Variants in KALRN observed in about 807,000 individuals in gnomAD.
The protein encoded by KALRN is kalirin RhoGEF kinase, also known as kalirin.
KALRN carries 70 observed loss-of-function variants against 353.7 expected under a neutral mutation model. That is an observed-to-expected ratio of 0.20 (90% CI 0.16 to 0.24). KALRN has a LOEUF of 0.24. KALRN is among the 10% of genes least tolerant of loss of function. The pLI is 1.00. For synonymous variants in KALRN, 1,391 were observed against 1,434.8 expected (o/e 0.97, Z 0.69); for missense variants, 2,791 against 3,756.7 (o/e 0.74, Z 6.72).
At chr3:124,036,244 G>A (rs1420130128) in intron 1 of KALRN, among the ~76,000 whole-genome samples, 1 of 152,062 alleles carries the variant, frequency 6.6e-6, no homozygotes, top group African/African-American at 2.4e-5. Context: ...AGGCTCCGGT[G>A]TTTGTTATTC....
chr3:124,631,816 T>G (rs1260061771), intron 34 of KALRN, among the ~76,000 whole-genome samples: 1 of 152,258 alleles, frequency 6.6e-6, no homozygotes, highest in Non-Finnish European at 1.5e-5. Context: ...ACATGCTTGT[T>G]GACCCAGCTC....
intron 1 of KALRN, among the ~76,000 whole-genome samples, chr3:124,168,065 T>C (rs1248454138): frequency 6.6e-6 from 1 of 152,200 alleles, no homozygotes; most frequent in Admixed American, 6.5e-5. Context: ...ATTCCTGCTC[T>C]TTCTTTGCTG....
Position 124,705,822 on chromosome 3 carries a change from CCCTT to C in KALRN, c.8075+3733_8075+3736del, listed in dbSNP as rs373858046. 0.015 allele frequency among the ~76,000 whole-genome samples: 2,178 copies of C among 144,746 alleles called. 80 individuals are homozygous for C. The East Asian group carries it at 0.16, about 11-fold the overall frequency. The allele number at this position is 144,746 out of a possible 152,430, so 95.0% of individuals were successfully genotyped here. A position where few individuals can be genotyped will look rare whatever the true frequency, so the allele number is the denominator to read the frequency against. On this transcript the variant is annotated intron_variant, in intron 57 of 59. Transcript: ENST00000682506. ...TCCCTCCCTTCCTTCCTTCCTTCCT[CCCTT>C]CCTTCCTTCCTTCCTTCCTTCCTTC...
intron 11 of KALRN, among the ~76,000 whole-genome samples, chr3:124,394,328 G>C (rs2089887546): frequency 6.6e-6 from 1 of 152,174 alleles, no homozygotes; most frequent in Non-Finnish European, 1.5e-5. Context: ...TCTCATTTAT[G>C]AAAATTCTCA....
chr3:124,255,464 C>T (rs1437405711), intron 3 of KALRN, among the ~76,000 whole-genome samples: 1 of 152,286 alleles, frequency 6.6e-6, no homozygotes, highest in African/African-American at 2.4e-5. Flanking sequence ...CTGGGCCAGC[C>T]ACAAAGTAAA....
Position 124,693,904 on chromosome 3 carries a change from C to A in KALRN, c.7405+73C>A, listed in dbSNP as rs72968723. 2.8e-3 allele frequency: 2,939 copies of A among 1,058,706 alleles called. 39 individuals are homozygous for A. The African/African-American group carries it at 0.039, about 14-fold the overall frequency. 65.6% of individuals were successfully genotyped at this position (1,058,706 alleles called of 1,614,324 possible). ...AATTATAGTTAATCCAGCACTAAAG[C>A]ACTGGCTGTAAGCAATGGTGATATA... On this transcript the variant is annotated intron_variant, in intron 52 of 59. Transcript: ENST00000682506.
At chr3:124,113,040 C>T (rs2063136548) in intron 1 of KALRN, among the ~76,000 whole-genome samples, 1 of 152,086 alleles carries the variant, frequency 6.6e-6, no homozygotes, top group South Asian at 2.1e-4. Context: ...TTAATAAATT[C>T]GGATGTGTCA....
intron 58 of KALRN, among the ~76,000 whole-genome samples, chr3:124,713,741 CACAGAGATTAAAGAGA>C (rs1217023304): frequency 6.6e-6 from 1 of 152,146 alleles, no homozygotes; most frequent in Non-Finnish European, 1.5e-5. Flanking sequence ...AGATAAATAT[CACAGAGATTAAAGAGA>C]ACAGAGTCTT....
chr3:124,132,383 G>A (rs1321308030), intron 1 of KALRN, among the ~76,000 whole-genome samples: 1 of 152,200 alleles, frequency 6.6e-6, no homozygotes, highest in East Asian at 1.9e-4. Context: ...TAGAACCCGA[G>A]CCGGTGAGAA....
At chr3:124,039,669 T>C (rs994264792) in intron 1 of KALRN, among the ~76,000 whole-genome samples, 2 of 152,240 alleles carry the variant, frequency 1.3e-5, no homozygotes, top group Non-Finnish European at 2.9e-5. Flanking sequence ...TATGTTGGTA[T>C]GCAATTCCTT....
At chr3:124,487,739 C>T (rs890407161) in intron 28 of KALRN, among the ~76,000 whole-genome samples, 1 of 152,184 alleles carries the variant, frequency 6.6e-6, no homozygotes, top group African/African-American at 2.4e-5. Context: ...GCTGTAGAGG[C>T]TTGTAAATAA....
chr3:124,171,664 A>C (rs969885960), intron 1 of KALRN, among the ~76,000 whole-genome samples: 2 of 152,146 alleles, frequency 1.3e-5, no homozygotes, highest in Admixed American at 6.5e-5. Context: ...GCACATAAGG[A>C]TAGAAGGACT....
intron 13 of KALRN, chr3:124,407,650 T>C (rs568196552): frequency 6.6e-6 from 1 of 152,284 alleles, no homozygotes; most frequent in Non-Finnish European, 1.5e-5. Context: ...GCAGAGTCGG[T>C]TTAAAAAAAA....
chr3:124,378,588 A>G (rs1382395449), intron 10 of KALRN, among the ~76,000 whole-genome samples: 1 of 152,112 alleles, frequency 6.6e-6, no homozygotes, highest in African/African-American at 2.4e-5. Context: ...CAAATCTGCT[A>G]GTGAAGAATT....
intron 1 of KALRN, among the ~76,000 whole-genome samples, chr3:124,074,364 C>T (rs1288373835): frequency 6.6e-6 from 1 of 152,184 alleles, no homozygotes; most frequent in Non-Finnish European, 1.5e-5. Context: ...AGGGCAGGGC[C>T]ATGGCAGGCC....
chr3:124,056,650 C>G (rs1243657271), intron 1 of KALRN, among the ~76,000 whole-genome samples: 1 of 152,202 alleles, frequency 6.6e-6, no homozygotes, highest in African/African-American at 2.4e-5. Context: ...CTGGGAGTCC[C>G]TGTTCTCAGA....
Position 124,632,616 on chromosome 3 carries a change from G to A in KALRN, c.5379G>A (p.Lys1793=). 1 of 1,614,190 alleles carries A rather than the reference G, an allele frequency of 6.2e-7. No homozygotes were observed. Among genetic ancestry groups the A allele is most frequent in the Non-Finnish European group, 8.5e-7 (1 of 1,180,044 alleles). Residue 1793 remains lysine (K), a synonymous_variant, in exon 35 of 60, where the codon AAG becomes AAA. Coordinates refer to ENST00000682506, the MANE Select transcript of KALRN (RefSeq NM_001388419.1). ...GKADGNIKKQ[K]KVRDGRKSFD... is the part of the protein sequence containing the mutation. ...CAGATGGAAACATCAAAAAGCAGAA[G>A]AAAGTTCGCGATGGTCGGAAGAGCT...
At chr3:124,311,092 T>TTTTTTG in intron 6 of KALRN, among the ~76,000 whole-genome samples, 1 of 129,388 alleles carries the variant, frequency 7.7e-6, no homozygotes, top group Non-Finnish European at 1.6e-5. Flanking sequence ...TTTTTTTTTT[T>TTTTTTG]GAGATGGAGT....
chr3:124,186,452 A>G (rs911925952), intron 1 of KALRN, among the ~76,000 whole-genome samples: 7 of 152,188 alleles, frequency 4.6e-5, no homozygotes, highest in African/African-American at 1.7e-4. Flanking sequence ...GTTAAAGATG[A>G]TTAGAAGCAA....
Sources: allele counts gnomAD v4.1 joint callset (sites outside exome capture counted in the v4.1 genomes callset), GRCh38; gene constraint gnomAD v4.1.1; transcripts MANE v1.5; gene names NCBI Gene and HGNC (gene_info 2026-07-23, HGNC 2026-07-21).